The following ERMP1 variants were observed in gnomAD, a reference collection of about 807,000 sequenced individuals.
ERMP1 encodes the protein endoplasmic reticulum metallopeptidase 1.
In ERMP1, 86 loss-of-function variants were observed where a neutral mutation model predicts 92.0. The ratio of observed to expected loss-of-function variants is 0.93; its 90% CI spans 0.79 to 1.12. The LOEUF is 1.12. Ranked by LOEUF, ERMP1 falls within the 50% of genes most tolerant of loss-of-function variation. The pLI is 0.00. For synonymous variants in ERMP1, 530 were observed against 412.8 expected (o/e 1.28, Z -3.44); for missense variants, 1,342 against 1,116.3 (o/e 1.20, Z -2.88).
chr9:5,796,879 T>G (rs568173504), intron 13 of ERMP1, among the ~76,000 whole-genome samples: 1 of 152,158 alleles, frequency 6.6e-6, no homozygotes, highest in African/African-American at 2.4e-5. Context: ...ACAACAGGCT[T>G]CGATTAATAA....
intron 6 of ERMP1, chr9:5,855,807 G>T: frequency 5.7e-6 from 1 of 175,962 alleles, no homozygotes. Context: ...GAATAGGTGT[G>T]ATCTTGTTAA....
At chr9:5,816,283 A>G (rs1829302447) in intron 4 of ERMP1, among the ~76,000 whole-genome samples, 1 of 152,240 alleles carries the variant, frequency 6.6e-6, no homozygotes, top group African/African-American at 2.4e-5. Context: ...ATGCATTATT[A>G]TAGTTTAATA....
At chr9:5,824,193 C>G (rs1205249006) in intron 3 of ERMP1, among the ~76,000 whole-genome samples, 192 bp from the exon 4 acceptor site, 1 of 152,188 alleles carries the variant, frequency 6.6e-6, no homozygotes, top group Non-Finnish European at 1.5e-5. Flanking sequence ...ACATCAGGTT[C>G]GGAAAGTCAC....
intron 4 of ERMP1, among the ~76,000 whole-genome samples, chr9:5,820,052 C>G (rs953320959): frequency 1.9e-4 from 29 of 152,312 alleles, no homozygotes; most frequent in East Asian, 7.7e-4. Context: ...GTAATCCCAG[C>G]ACTTTGGGAA....
intron 6 of ERMP1, among the ~76,000 whole-genome samples, chr9:5,842,155 G>A (rs1830172923): frequency 6.6e-6 from 1 of 152,214 alleles, no homozygotes; most frequent in Admixed American, 6.5e-5. Context: ...GGAGCAGGTT[G>A]CAGCTGCTGG....
Position 5,785,043 on chromosome 9 carries a change from G to C in ERMP1, c.*2101C>G, listed in dbSNP as rs374137766. ...AGAGTCATAAATACTGTGTATAATTGCTTGACCATTTCTGGCATTTAAATG... is the reference window on the plus strand; with the variant it reads ...AGAGTCATAAATACTGTGTATAATTCCTTGACCATTTCTGGCATTTAAATG... On this transcript the variant is annotated 3_prime_UTR_variant, in exon 15 of 15. Coordinates refer to ENST00000339450, the MANE Select transcript of ERMP1 (RefSeq NM_024896.3). The C allele has an allele frequency of 1.8e-4, 28 of 152,124 alleles. No homozygotes were observed. The highest frequency in any genetic ancestry group is 6.5e-4 in the African/African-American group (27 of 41,500). 9.4% of individuals were successfully genotyped at this position (152,124 alleles called of 1,614,324 possible). A position where few individuals can be genotyped will look rare whatever the true frequency, so the allele number is the denominator to read the frequency against.
upstream of ERMP1, chr9:5,833,119 G>A: frequency 8.5e-7 from 1 of 1,170,680 alleles, no homozygotes; most frequent in Non-Finnish European, 1.1e-6. Flanking sequence ...GCGCCTCCTA[G>A]TGAGCGGACG....
At chr9:5,821,769 A>G (rs1208879594) in intron 4 of ERMP1, among the ~76,000 whole-genome samples, 1 of 152,256 alleles carries the variant, frequency 6.6e-6, no homozygotes, top group Non-Finnish European at 1.5e-5. Context: ...CATGGAGATG[A>G]AGGCACTTAA....
chr9:5,858,820 A>AGGAT (rs1460722349), intron 6 of ERMP1, among the ~76,000 whole-genome samples: 2 of 152,174 alleles, frequency 1.3e-5, no homozygotes, highest in East Asian at 3.8e-4. Context: ...AGAAGCTGGA[A>AGGAT]GGATGGATGG....
intron 6 of ERMP1, among the ~76,000 whole-genome samples, chr9:5,840,749 C>G (rs12379291): frequency 0.47 from 71,392 of 152,126 alleles, 17,216 homozygotes; most frequent in East Asian, 0.81. Context: ...TAGGGTTGTC[C>G]TGAGGCCCTA....
chr9:5,798,614 A>G (rs1477383431), intron 12 of ERMP1, among the ~76,000 whole-genome samples, 192 bp downstream of exon 12: 1 of 152,142 alleles, frequency 6.6e-6, no homozygotes, highest in East Asian at 1.9e-4. Context: ...TTAAAATTTG[A>G]AAAAACAAAA....
rs771332303 is a variant in ERMP1 at position 5,812,111 on chromosome 9, A to C, written c.1114+14T>G. On this transcript the variant is annotated intron_variant, in intron 6 of 14. Transcript: ENST00000339450. ...ATCTTAGTGTATATCAAAAGTCTAAATTGGAATACCAACCTGCTCTCTGAA... is the reference window on the plus strand; with the variant it reads ...ATCTTAGTGTATATCAAAAGTCTAACTTGGAATACCAACCTGCTCTCTGAA... 47 of 1,537,256 alleles carry C rather than the reference A, an allele frequency of 3.1e-5. No individual in the cohort carries two copies. The highest frequency in any genetic ancestry group is 4.1e-5 in the Non-Finnish European group (46 of 1,120,158).
In ERMP1 at chr9:5,812,190, C is replaced by T; in HGVS notation, c.1049G>A (p.Gly350Glu). ...PGIDLAFIEN[G>E]YIYHTKYDTA... ...GTCATACTTGGTGTGATAAATGTAT[C>T]CATTCTCAATAAAAGCTAAGTCTAT... is the stretch of plus-strand genomic sequence containing the variant. The change falls in exon 6 of 15, where the codon GGA becomes GAA. Residue 350 changes from glycine to glutamate, a missense_variant. Coordinates refer to ENST00000339450, the MANE Select transcript of ERMP1 (RefSeq NM_024896.3). 1 of 1,606,426 alleles carries T rather than the reference C, an allele frequency of 6.2e-7. No individual in the cohort carries two copies. Among genetic ancestry groups the T allele is most frequent in the East Asian group, 2.2e-5 (1 of 44,764 alleles).
intron 5 of ERMP1, among the ~76,000 whole-genome samples, chr9:5,861,867 CTCTTT>C (rs974510251): frequency 9.9e-5 from 15 of 151,928 alleles, no homozygotes; most frequent in Admixed American, 3.3e-4. Context: ...CCTGGCCCTT[CTCTTT>C]TCATGGGGCC....
chr9:5,802,155 T>C (rs1828697891), intron 10 of ERMP1, among the ~76,000 whole-genome samples: 1 of 152,134 alleles, frequency 6.6e-6, no homozygotes, highest in Non-Finnish European at 1.5e-5. Flanking sequence ...GGGTGACACA[T>C]TTTGTTTTGC....
At chr9:5,820,207 G>A (rs1364967990) in intron 4 of ERMP1, among the ~76,000 whole-genome samples, 1 of 152,194 alleles carries the variant, frequency 6.6e-6, no homozygotes, top group Non-Finnish European at 1.5e-5. Flanking sequence ...GCTGAGGCAA[G>A]AGAATCGCTT....
intron 1 of ERMP1, among the ~76,000 whole-genome samples, chr9:5,831,909 G>A (rs1829955349): frequency 6.6e-6 from 1 of 152,028 alleles, no homozygotes; most frequent in Admixed American, 6.5e-5. Flanking sequence ...AAGTGGGGGT[G>A]GGAGACGTTT....
In ERMP1 at chr9:5,784,957, C is replaced by CTT. The variant is rs1827876697; in HGVS notation, c.*2185_*2186dup. The CTT allele has an allele frequency of 6.6e-6, 1 of 152,098 alleles. No homozygotes were observed. Among genetic ancestry groups the CTT allele is most frequent in the African/African-American group, 2.4e-5 (1 of 41,386 alleles). 9.4% of individuals were successfully genotyped at this position (152,098 alleles called of 1,614,324 possible). On this transcript the variant is annotated 3_prime_UTR_variant, in exon 15 of 15. Transcript: ENST00000339450. ...TTTAGAAATTATTTAAATGATCACT[C>CTT]TTTAAAAATTTTTTTTAATCTCAGA...
chr9:5,849,148 G>T (rs561026584), intron 6 of ERMP1, among the ~76,000 whole-genome samples: 1 of 152,108 alleles, frequency 6.6e-6, no homozygotes, highest in East Asian at 1.9e-4. Context: ...TGGGCTTCCC[G>T]AGTAGCTGGG....
Sources: allele counts gnomAD v4.1 joint callset (sites outside exome capture counted in the v4.1 genomes callset), GRCh38; gene constraint gnomAD v4.1.1; transcripts MANE v1.5; gene names NCBI Gene and HGNC (gene_info 2026-07-23, HGNC 2026-07-21).